The following GLI3 variants were observed in gnomAD, a reference collection of about 807,000 sequenced individuals.
GLI3 encodes transcription activator GLI3.
Under a neutral mutation model 100.8 loss-of-function variants are expected in GLI3, and 20 were observed. That is an observed-to-expected ratio of 0.20 (90% CI 0.14 to 0.29). The LOEUF (loss-of-function observed/expected upper bound fraction) is 0.29. Ranked by LOEUF, GLI3 falls within the 10% of genes least tolerant of loss-of-function variation. The pLI is 1.00. For missense variants in GLI3, 2,040 were observed against 2,128.5 expected (o/e 0.96, Z 0.82); for synonymous variants, 938 against 860.5 (o/e 1.09, Z -1.58).
At chr7:42,221,162 G>A (rs1788478761) in intron 2 of GLI3, among the ~76,000 whole-genome samples, 1 of 152,304 alleles carries the variant, frequency 6.6e-6, no homozygotes, top group Middle Eastern at 3.4e-3. Flanking sequence ...TGTGGGGCTG[G>A]TCAGATTAGT....
chr7:42,104,664 G>A (rs1318862036), intron 3 of GLI3, among the ~76,000 whole-genome samples: 1 of 152,154 alleles, frequency 6.6e-6, no homozygotes, highest in Non-Finnish European at 1.5e-5. Flanking sequence ...CATTGCTATA[G>A]ACTGAATATA....
At chr7:42,129,984 G>A (rs1025639066) in intron 3 of GLI3, among the ~76,000 whole-genome samples, 2 of 152,102 alleles carry the variant, frequency 1.3e-5, no homozygotes, top group African/African-American at 4.8e-5. Context: ...CTGGGAAAGT[G>A]AAGGCTTCAG....
At chr7:42,128,775 A>G (rs1181404348) in intron 3 of GLI3, among the ~76,000 whole-genome samples, 1 of 152,036 alleles carries the variant, frequency 6.6e-6, no homozygotes, top group African/African-American at 2.4e-5. Flanking sequence ...TGATGGTAGG[A>G]ATGGAAGTCC....
rs1359999993 is a variant in GLI3 at position 41,965,232 on chromosome 7, G to A, written c.3841C>T (p.Leu1281=). The change falls in exon 15 of 15, where the codon CTG becomes TTG. Residue 1281 remains leucine (L), a synonymous_variant. Transcript: ENST00000395925. ...ACGAGIQASK[L]KSTPMQGSGG... is the part of the protein sequence containing the mutation. Reference sequence around the variant, plus strand: ...CTCCCTTGCATGGGGGTGCTCTTCAGCTTTGAGGCTTGAATCCCGGCACCA... The same window carrying A: ...CTCCCTTGCATGGGGGTGCTCTTCAACTTTGAGGCTTGAATCCCGGCACCA... The A allele has an allele frequency of 6.2e-7, 1 of 1,613,758 alleles. No individual in the cohort carries two copies. Among genetic ancestry groups the A allele is most frequent in the East Asian group, 2.2e-5 (1 of 44,888 alleles).
At chr7:41,977,843 G>A in intron 11 of GLI3, 121 bp from the exon 12 acceptor site, 2 of 862,894 alleles carry the variant, frequency 2.3e-6, no homozygotes, top group Non-Finnish European at 3.9e-6. Context: ...TCAAAACCCA[G>A]GAACAAAAAG....
Position 42,190,027 on chromosome 7 carries a change from T to A in GLI3, c.124+33103A>T, listed in dbSNP as rs147548081. 9.3e-5 allele frequency among the ~76,000 whole-genome samples: 14 copies of A among 150,160 alleles called. No homozygotes were observed. In the East Asian group the frequency reaches 2.7e-3, roughly 29 times the overall value. On this transcript the variant is annotated intron_variant, in intron 2 of 14. Transcript: ENST00000395925. ...ACACACACACACACACAGAGAACTATATTTTGCAATTACATAGGGAAAATG... is the reference window on the plus strand; with the variant it reads ...ACACACACACACACACAGAGAACTAAATTTTGCAATTACATAGGGAAAATG...
chr7:42,091,310 T>A (rs1785212974), intron 3 of GLI3, among the ~76,000 whole-genome samples: 1 of 152,210 alleles, frequency 6.6e-6, no homozygotes, highest in Admixed American at 6.5e-5. Flanking sequence ...ATTGCACACA[T>A]CCTGCCTTCA....
intron 10 of GLI3, among the ~76,000 whole-genome samples, chr7:42,010,427 C>T (rs901513366): frequency 6.6e-6 from 1 of 152,172 alleles, no homozygotes; most frequent in Non-Finnish European, 1.5e-5. Flanking sequence ...GATAGCACAC[C>T]TGACCACATC....
At chr7:41,977,850 A>G (rs997041351) in intron 11 of GLI3, 128 bp from the exon 12 acceptor site, 4 of 815,370 alleles carry the variant, frequency 4.9e-6, no homozygotes, top group Non-Finnish European at 6.4e-6. Context: ...CCAGGAACAA[A>G]AAGTCCACTA....
At chr7:42,100,238 G>A (rs1785430081) in intron 3 of GLI3, among the ~76,000 whole-genome samples, 1 of 152,230 alleles carries the variant, frequency 6.6e-6, no homozygotes, top group Admixed American at 6.5e-5. Flanking sequence ...GCAGCATGTG[G>A]CCACCTTCTA....
chr7:41,967,538 ATTT>A (rs1172898496), intron 14 of GLI3, 55 bp downstream of exon 14: 11 of 1,217,488 alleles, frequency 9.0e-6, no homozygotes, highest in Non-Finnish European at 1.2e-5. Context: ...GAGGGCCTGC[ATTT>A]AAAAGAACAG....
chr7:42,075,836 G>C (rs908152314), intron 4 of GLI3, among the ~76,000 whole-genome samples: 1 of 152,174 alleles, frequency 6.6e-6, no homozygotes, highest in Admixed American at 6.5e-5. Context: ...AGGAGGACTT[G>C]TTTTAAAACA....
chr7:42,047,655 C>T (rs1019026574), intron 5 of GLI3, among the ~76,000 whole-genome samples: 1 of 152,192 alleles, frequency 6.6e-6, no homozygotes. Flanking sequence ...GAATACACAG[C>T]TCCAATTAAG....
chr7:42,011,845 G>A (rs846303), intron 10 of GLI3, among the ~76,000 whole-genome samples: 9,480 of 152,046 alleles, frequency 0.062, 426 homozygotes, highest in Non-Finnish European at 0.096. Context: ...CAGTGTTGGC[G>A]GTTACACAAC....
At chr7:42,227,810 G>C (rs1486286908) in intron 1 of GLI3, 2 of 152,170 alleles carry the variant, frequency 1.3e-5, no homozygotes, top group East Asian at 3.9e-4. Flanking sequence ...CTTTAGAGTC[G>C]TCACTTAGAC....
At chr7:42,017,920 G>T (rs1402382961) in intron 10 of GLI3, among the ~76,000 whole-genome samples, 1 of 152,252 alleles carries the variant, frequency 6.6e-6, no homozygotes, top group Admixed American at 6.5e-5. Flanking sequence ...CTTGGCCTTG[G>T]ACGTTGGGGA....
chr7:42,036,103 T>C (rs1165840108), intron 7 of GLI3, among the ~76,000 whole-genome samples: 1 of 152,212 alleles, frequency 6.6e-6, no homozygotes, highest in African/African-American at 2.4e-5. Flanking sequence ...TATATGGTAT[T>C]TTTATAGTAG....
intron 2 of GLI3, among the ~76,000 whole-genome samples, chr7:42,163,432 C>CTT (rs1343242464): frequency 7.0e-5 from 10 of 143,326 alleles, no homozygotes; most frequent in African/African-American, 1.8e-4. Context: ...ATTTTCTTTT[C>CTT]TTTTTTTTTT....
At chr7:42,122,871 T>C (rs931327259) in intron 3 of GLI3, among the ~76,000 whole-genome samples, 2 of 152,222 alleles carry the variant, frequency 1.3e-5, no homozygotes, top group African/African-American at 4.8e-5. Context: ...GAAAAGTTAT[T>C]GAATGCAGAA....
Sources: allele counts gnomAD v4.1 joint callset (sites outside exome capture counted in the v4.1 genomes callset), GRCh38; gene constraint gnomAD v4.1.1; transcripts MANE v1.5; gene names NCBI Gene and HGNC (gene_info 2026-07-23, HGNC 2026-07-21).